Variants in LINGO2 observed in about 807,000 individuals in gnomAD.
The protein encoded by LINGO2 is leucine-rich repeat and immunoglobulin-like domain-containing nogo receptor-interacting protein 2.
LINGO2 carries 14 observed loss-of-function variants against 30.6 expected under a neutral mutation model. The ratio of observed to expected loss-of-function variants is 0.46; its 90% CI spans 0.30 to 0.72. LINGO2 has a LOEUF of 0.72. Ranked by LOEUF, LINGO2 falls within the 30% of genes least tolerant of loss-of-function variation. LINGO2 has a pLI of 0.07. For synonymous variants in LINGO2, 317 were observed against 288.5 expected (o/e 1.10, Z -1.00); for missense variants, 729 against 751.7 (o/e 0.97, Z 0.35).
chr9:28,869,739 A>C, the LINGO2 span, among the ~76,000 whole-genome samples: 7 of 151,954 alleles, frequency 4.6e-5, no homozygotes, highest in Non-Finnish European at 1.0e-4. Context: ...TCAATAGGTC[A>C]AAAATCAATA....
chr9:28,417,684 C>G (rs531200799), intron 2 of LINGO2, among the ~76,000 whole-genome samples: 23 of 152,274 alleles, frequency 1.5e-4, no homozygotes, highest in African/African-American at 5.3e-4. Context: ...AAATGCCATT[C>G]CTACTTTCAA....
At chr9:28,913,455 T>C in the LINGO2 span, among the ~76,000 whole-genome samples, 1 of 152,230 alleles carries the variant, frequency 6.6e-6, no homozygotes, top group East Asian at 1.9e-4. Flanking sequence ...GCATGATATG[T>C]CAACCATATT....
intron 1 of LINGO2, among the ~76,000 whole-genome samples, chr9:28,494,885 T>C (rs1819539541): frequency 6.6e-6 from 1 of 152,196 alleles, no homozygotes; most frequent in African/African-American, 2.4e-5. Flanking sequence ...ACCTGTTGTT[T>C]CCTGACCTTT....
intron 4 of LINGO2, among the ~76,000 whole-genome samples, chr9:28,186,347 G>T (rs763253691): frequency 6.6e-6 from 1 of 152,132 alleles, no homozygotes; most frequent in Admixed American, 6.6e-5. Flanking sequence ...GTCTGTTTAA[G>T]TTAAAGTAAT....
the LINGO2 span, among the ~76,000 whole-genome samples, chr9:29,049,052 T>C: frequency 6.6e-6 from 1 of 152,122 alleles, no homozygotes; most frequent in Non-Finnish European, 1.5e-5. Context: ...GAGAAAATAT[T>C]TGCAAACTAC....
At chr9:28,117,160 A>G (rs1826932660) in intron 4 of LINGO2, among the ~76,000 whole-genome samples, 2 of 150,290 alleles carry the variant, frequency 1.3e-5, no homozygotes, top group Non-Finnish European at 3.0e-5. Context: ...GTCTGTTGGA[A>G]TACTCTGCCA....
intron 2 of LINGO2, among the ~76,000 whole-genome samples, chr9:28,444,743 T>C (rs112876257): frequency 9.7e-4 from 148 of 152,306 alleles, no homozygotes; most frequent in African/African-American, 3.4e-3. Flanking sequence ...CCTGTGCCGG[T>C]GCCTGAAGCT....
At chr9:28,052,622 A>T (rs1587774457) in intron 4 of LINGO2, among the ~76,000 whole-genome samples, 1 of 152,080 alleles carries the variant, frequency 6.6e-6, no homozygotes, top group African/African-American at 2.4e-5. Context: ...AACTTATGTC[A>T]TGGGTCCTCA....
intron 2 of LINGO2, among the ~76,000 whole-genome samples, chr9:28,389,777 C>T (rs7020878): frequency 0.11 from 16,358 of 152,242 alleles, 943 homozygotes; most frequent in East Asian, 0.19. Context: ...TTGCATTCAA[C>T]AGACATCTAG....
In LINGO2 at chr9:28,147,074, A is replaced by G. The variant is rs766171103; in HGVS notation, c.-86-134669T>C. On this transcript the variant is annotated intron_variant, in intron 4 of 5. Coordinates refer to ENST00000379992, the Ensembl canonical transcript of LINGO2. The surrounding 1 kb of genome is among the most constrained non-coding windows in gnomAD (Gnocchi z 4.7). ...TGACAACTGGTAATTCCTGCCCTAC[A>G]TCTTTGTAGAGGACTGGAGCCCAGA... Among the ~76,000 whole-genome samples the G allele has an allele frequency of 2.0e-5, 3 of 152,192 alleles. No individual in the cohort carries two copies. The highest frequency in any genetic ancestry group is 6.5e-5 in the Admixed American group (1 of 15,276).
intron 1 of LINGO2, among the ~76,000 whole-genome samples, chr9:28,494,794 C>G (rs1240270898): frequency 6.6e-6 from 1 of 152,226 alleles, no homozygotes; most frequent in Admixed American, 6.5e-5. Flanking sequence ...AATCCCCACA[C>G]TGTCTTCCAC....
the LINGO2 span, among the ~76,000 whole-genome samples, chr9:29,110,595 A>G: frequency 6.6e-6 from 1 of 151,652 alleles, no homozygotes; most frequent in Non-Finnish European, 1.5e-5. Context: ...GGGCCTCCCA[A>G]AGTGCTGGGA....
intron 1 of LINGO2, among the ~76,000 whole-genome samples, chr9:28,566,110 G>C (rs1003468805): frequency 2.0e-5 from 3 of 152,114 alleles, no homozygotes; most frequent in African/African-American, 7.2e-5. Context: ...CATCAGAATG[G>C]ACACTGGCTT....
chr9:28,689,412 T>C, the LINGO2 span, among the ~76,000 whole-genome samples: 1 of 151,796 alleles, frequency 6.6e-6, no homozygotes, highest in African/African-American at 2.4e-5. Flanking sequence ...GAACAGACAG[T>C]TCTCAAAAGA....
At position 28,570,718 on chromosome 9, in the gene LINGO2, G is replaced by C. The variant is rs528186497; in HGVS notation, c.-364-94693C>G. 5.3e-4 allele frequency among the ~76,000 whole-genome samples: 81 copies of C among 151,848 alleles called. 1 individual carries two copies. In the South Asian group the frequency reaches 8.5e-3, roughly 16 times the overall value. On this transcript the variant is annotated intron_variant, in intron 1 of 5. Transcript: ENST00000379992. ...CTACAAAACTCTATCTACTACCCAT[G>C]TCTTTTTTGGATTTAGCATTAACAA...
At chr9:28,542,634 A>T (rs996893281) in intron 1 of LINGO2, among the ~76,000 whole-genome samples, 35 of 152,092 alleles carry the variant, frequency 2.3e-4, no homozygotes, top group African/African-American at 8.0e-4. Flanking sequence ...GGTAATTTAT[A>T]TAGCTGATCC....
intron 4 of LINGO2, among the ~76,000 whole-genome samples, chr9:28,025,539 C>G (rs1823335507): frequency 6.6e-6 from 1 of 152,058 alleles, no homozygotes; most frequent in Admixed American, 6.5e-5. Context: ...TTTTTCCTTC[C>G]AAAGCATAAA....
chr9:28,183,614 T>C (rs1174867919), intron 4 of LINGO2, among the ~76,000 whole-genome samples: 7 of 152,102 alleles, frequency 4.6e-5, no homozygotes, highest in East Asian at 3.9e-4. Flanking sequence ...AGAGCCCTCA[T>C]AGGGGGTCAT....
chr9:28,298,965 T>G (rs915153314), intron 3 of LINGO2, among the ~76,000 whole-genome samples: 1 of 152,242 alleles, frequency 6.6e-6, no homozygotes, highest in South Asian at 2.1e-4. Flanking sequence ...TGAATTTTGG[T>G]ATTCTTTGTC....
Sources: gnomAD v4.1 joint callset for allele counts (sites outside exome capture counted in the v4.1 genomes callset) on GRCh38, gnomAD v4.1.1 for gene constraint, Gnocchi (gnomAD v3.1) non-coding constraint, MANE v1.5 for transcripts, NCBI Gene and HGNC (gene_info 2026-07-23, HGNC 2026-07-21) for gene names.